NEB: variants seen among roughly 807,000 people sequenced by gnomAD.
NEB encodes nemaline myopathy type 2.
Under a neutral mutation model 952.2 loss-of-function variants are expected in NEB, and 512 were observed. That is an observed-to-expected ratio of 0.54 (90% CI 0.50 to 0.58). The LOEUF (loss-of-function observed/expected upper bound fraction) is 0.58. NEB is among the 20% of genes least tolerant of loss of function. The pLI is 0.00. For synonymous variants in NEB, 2,900 were observed against 3,149.8 expected (o/e 0.92, Z 2.66); for missense variants, 8,428 against 9,231.1 (o/e 0.91, Z 3.56).
chr2:151,711,794 GTAA>G (rs2099746086), intron 10 of NEB, among the ~76,000 whole-genome samples: 1 of 152,098 alleles, frequency 6.6e-6, no homozygotes, highest in Non-Finnish European at 1.5e-5. Flanking sequence ...TATAAAAATT[GTAA>G]TAATAATAAT....
At chr2:151,659,018 T>G in intron 47 of NEB, 47 bp downstream of exon 47, 1 of 1,304,120 alleles carries the variant, frequency 7.7e-7, no homozygotes, top group Non-Finnish European at 1.1e-6. Context: ...TCTTACTGGT[T>G]CAAATCTGCT....
In NEB at chr2:151,619,817, G is replaced by T. The variant is rs2154023109; in HGVS notation, c.10561-55C>A. The T allele has an allele frequency of 2.6e-6, 4 of 1,527,670 alleles. No individual in the cohort carries two copies. In the East Asian group the frequency reaches 9.1e-5, roughly 35 times the overall value. 94.6% of individuals were successfully genotyped at this position (1,527,670 alleles called of 1,614,324 possible). A position where few individuals can be genotyped will look rare whatever the true frequency, so the allele number is the denominator to read the frequency against. ...GAAGCACAAAGGGCTATTCCCTGTT[G>T]TTCTTTCTGTGGTGGTGCTTTCTAT... On this transcript the variant is annotated intron_variant, in intron 72 of 181. Coordinates refer to ENST00000397345, the MANE Select transcript of NEB (RefSeq NM_001164508.2).
chr2:151,664,855 G>A lies in NEB; in HGVS notation c.5247C>T (p.Tyr1749=), dbSNP rs777520288. The part of the protein sequence containing the change: ...SNKLNMDKRL[Y]TEKWNKDKTT... The stretch of plus-strand genomic sequence containing the variant: ...TCTTGTCCTTGTTCCATTTTTCAGT[G>A]TAGAGCCTCTGCAATGAGAAAGTCA... Residue 1749 remains tyrosine (Y), a synonymous_variant, in exon 43 of 182, where the codon TAC becomes TAT. Transcript: ENST00000397345. 6.8e-5 allele frequency: 109 copies of A among 1,608,826 alleles called. No homozygotes were observed. Among genetic ancestry groups the A allele is most frequent in the Non-Finnish European group, 8.7e-5 (102 of 1,176,586 alleles).
intron 54 of NEB, 62 bp downstream of exon 54, chr2:151,650,114 G>A (rs2099014584): frequency 7.5e-6 from 11 of 1,468,950 alleles, no homozygotes; most frequent in Non-Finnish European, 1.0e-5. Context: ...TTAAGCAAGT[G>A]CTATTGAGCA....
In NEB at chr2:151,614,678, C is replaced by T. The variant is rs77753093; in HGVS notation, c.11290-91G>A. The T allele has an allele frequency of 1.5e-3, 2,071 of 1,381,406 alleles. 22 individuals are homozygous for T. The African/African-American group carries it at 0.026, about 17-fold the overall frequency. The allele number at this position is 1,381,406 out of a possible 1,614,324, so 85.6% of individuals were successfully genotyped here. ...CATTCACATTGTTTCTTTTTCTTTT[C>T]CCCAACACTATCATGAAGGAGAAAA... On this transcript the variant is annotated intron_variant, in intron 76 of 181. Coordinates refer to ENST00000397345, the MANE Select transcript of NEB (RefSeq NM_001164508.2).
chr2:151,711,003 C>T (rs147170347), intron 10 of NEB, among the ~76,000 whole-genome samples: 12 of 152,254 alleles, frequency 7.9e-5, no homozygotes, highest in East Asian at 3.9e-4. Context: ...AATAGATCTT[C>T]GCCTTTAGAG....
chr2:151,491,970 G>GCTTT, intron 178 of NEB, 128 bp downstream of exon 178: 1 of 1,095,032 alleles, frequency 9.1e-7, no homozygotes, highest in South Asian at 1.5e-5. Context: ...GATAATAGGA[G>GCTTT]CTTTCTTGCA....
intron 151 of NEB, 132 bp from the exon 152 acceptor site, chr2:151,524,748 C>T: frequency 1.4e-6 from 1 of 699,832 alleles, no homozygotes; most frequent in East Asian, 2.9e-5. Context: ...CTCACTGCAA[C>T]TTCTGTCTCC....
rs1216350200 is a variant in NEB, at chr2:151,498,974, A to ATCTT, written c.24114+320_24114+323dup. Among the ~76,000 whole-genome samples, 9 of 152,332 alleles carry ATCTT rather than the reference A, an allele frequency of 5.9e-5. No homozygotes were observed. In the East Asian group the frequency reaches 1.5e-3, roughly 26 times the overall value. ...AATAAGAAACGAGGATAATAGTCGGATCTTTGCAAAATACATTTGTTTAAG... is the reference window on the plus strand; with the variant it reads ...AATAAGAAACGAGGATAATAGTCGGATCTTTCTTTGCAAAATACATTTGTTTAAG... On this transcript the variant is annotated intron_variant, in intron 169 of 181. Coordinates refer to ENST00000397345, the MANE Select transcript of NEB (RefSeq NM_001164508.2).
intron 161 of NEB, among the ~76,000 whole-genome samples, chr2:151,509,639 T>C (rs1348513898): frequency 6.6e-6 from 1 of 152,154 alleles, no homozygotes; most frequent in Non-Finnish European, 1.5e-5. Flanking sequence ...TTTGGTTTTT[T>C]GTTTTTTGAG....
chr2:151,724,419 G>C lies in NEB; in HGVS notation c.508-55C>G. The stretch of plus-strand genomic sequence containing the variant: ...TTGAGGTCTCACCCAAAGGCATGAG[G>C]ATTTAAACAACAAAGGGAGACTCAT... On this transcript the variant is annotated intron_variant, in intron 7 of 181. Transcript: ENST00000397345. 3.0e-6 allele frequency: 4 copies of C among 1,343,590 alleles called. No homozygotes were observed. In the South Asian group the frequency reaches 5.0e-5, roughly 17 times the overall value. 83.2% of individuals were successfully genotyped at this position (1,343,590 alleles called of 1,614,324 possible). A position where few individuals can be genotyped will look rare whatever the true frequency, so the allele number is the denominator to read the frequency against.
intron 161 of NEB, among the ~76,000 whole-genome samples, chr2:151,511,127 A>G (rs1045271132): frequency 2.6e-5 from 4 of 152,226 alleles, no homozygotes; most frequent in Admixed American, 1.3e-4. Flanking sequence ...TTCGTTAAAG[A>G]TCAGCAGTGT....
intron 81 of NEB, among the ~76,000 whole-genome samples, chr2:151,609,281 G>T (rs1007809280): frequency 6.6e-6 from 1 of 152,086 alleles, no homozygotes; most frequent in Non-Finnish European, 1.5e-5. Flanking sequence ...GGGTTGACGG[G>T]ATAAGTGCAC....
intron 20 of NEB, among the ~76,000 whole-genome samples, chr2:151,693,944 A>G (rs1004342812): frequency 4.6e-5 from 7 of 151,736 alleles, no homozygotes; most frequent in African/African-American, 1.7e-4. Context: ...TCATTTTCCT[A>G]TATATATATT....
At position 151,663,159 on chromosome 2, in the gene NEB, G is replaced by A. The variant is rs144545947; in HGVS notation, c.5763+389C>T. 1.4e-3 allele frequency among the ~76,000 whole-genome samples: 209 copies of A among 152,292 alleles called. 1 individual carries two copies. The highest frequency in any genetic ancestry group is 4.9e-3 in the African/African-American group (203 of 41,560). On this transcript the variant is annotated intron_variant, in intron 45 of 181. Transcript: ENST00000397345. ...AGTTAGAAGTGGTAGAATGAAACCC[G>A]GTTGGGAGGGAGGGGCTGGAGCTAT...
chr2:151,729,359 A>G (rs941473230), intron 4 of NEB, among the ~76,000 whole-genome samples: 2 of 152,224 alleles, frequency 1.3e-5, no homozygotes, highest in African/African-American at 2.4e-5. Flanking sequence ...TCATCTACAC[A>G]AAAATATCAC....
At chr2:151,626,865 G>T in intron 70 of NEB, 137 bp downstream of exon 70, 1 of 1,104,034 alleles carries the variant, frequency 9.1e-7, no homozygotes, top group Non-Finnish European at 1.3e-6. Flanking sequence ...TTATCTAACA[G>T]AATAGAGAAT....
Position 151,680,011 on chromosome 2 carries a change from T to C in NEB, c.3054A>G (p.Lys1018=). The C allele has an allele frequency of 6.2e-7, 1 of 1,608,882 alleles. No homozygotes were observed. The highest frequency in any genetic ancestry group is 8.5e-7 in the Non-Finnish European group (1 of 1,175,200). The change falls in exon 31 of 182, where the codon AAA becomes AAG. Residue 1018 remains lysine (K), a synonymous_variant. Coordinates refer to ENST00000397345, the MANE Select transcript of NEB (RefSeq NM_001164508.2). Reference sequence around the variant, plus strand: ...TGTGAATAATTTCCTCTCCTTTGGCTTTGTAAGCGATCTGAAAGAGAAAAA... The same window carrying C: ...TGTGAATAATTTCCTCTCCTTTGGCCTTGTAAGCGATCTGAAAGAGAAAAA... ...NQAQRSDIAY[K]AKGEEIIHKY...
intron 119 of NEB, among the ~76,000 whole-genome samples, chr2:151,563,341 G>A (rs16830228): frequency 0.25 from 37,963 of 151,944 alleles, 5,694 homozygotes; most frequent in Admixed American, 0.39. Context: ...TTATAACACA[G>A]GGTAAATAGT....
Sources: gnomAD v4.1 joint callset for allele counts (sites outside exome capture counted in the v4.1 genomes callset) on GRCh38, gnomAD v4.1.1 for gene constraint, MANE v1.5 for transcripts, NCBI Gene and HGNC (gene_info 2026-07-23, HGNC 2026-07-21) for gene names.